Variants in GATAD2A observed in about 807,000 individuals in gnomAD.
GATAD2A encodes GATA zinc finger domain containing 2A, also known as transcriptional repressor p66-alpha.
In GATAD2A, 12 loss-of-function variants were observed where a neutral mutation model predicts 68.5. The ratio of observed to expected loss-of-function variants is 0.18; its 90% CI spans 0.11 to 0.28. The LOEUF is 0.28. Among genes scored for constraint, GATAD2A ranks in the 10% least tolerant of loss-of-function variants. The pLI, the probability that GATAD2A is intolerant of heterozygous loss-of-function variation, is 1.00. For missense variants in GATAD2A, 755 were observed against 868.5 expected, an observed-to-expected ratio of 0.87 and a Z score of 1.64; for synonymous variants, 410 against 375.3, an observed-to-expected ratio of 1.09 and a Z score of -1.07.
chr19:19,401,428 T>C (rs1269797499), upstream of GATAD2A, among the ~76,000 whole-genome samples: 1 of 151,990 alleles, frequency 6.6e-6, no homozygotes, highest in Non-Finnish European at 1.5e-5. Context: ...TTAGCCAGGA[T>C]GGTCTCGATC....
chr19:19,487,042 A>C (rs2059485005), intron 2 of GATAD2A, among the ~76,000 whole-genome samples: 1 of 152,024 alleles, frequency 6.6e-6, no homozygotes, highest in African/African-American at 2.4e-5. Flanking sequence ...TAAAGGAGCT[A>C]CTCCACAGGA....
intron 2 of GATAD2A, among the ~76,000 whole-genome samples, chr19:19,469,612 A>G (rs1237715178): frequency 6.6e-6 from 1 of 152,118 alleles, no homozygotes; most frequent in South Asian, 2.1e-4. Context: ...AAGGATCTAA[A>G]TACCTCAATC....
intron 1 of GATAD2A, among the ~76,000 whole-genome samples, chr19:19,417,070 A>AT (rs1483607758): frequency 6.6e-6 from 1 of 152,104 alleles, no homozygotes; most frequent in African/African-American, 2.4e-5. Flanking sequence ...CCTAAAACTT[A>AT]TTTTTTAAAG....
intron 2 of GATAD2A, among the ~76,000 whole-genome samples, chr19:19,467,256 GT>G (rs1303839863): frequency 6.6e-6 from 1 of 152,106 alleles, no homozygotes; most frequent in African/African-American, 2.4e-5. Flanking sequence ...GGTGCCTGTA[GT>G]CCCAGTGACT....
intron 1 of GATAD2A, among the ~76,000 whole-genome samples, chr19:19,443,618 A>G (rs2055358938): frequency 1.3e-5 from 2 of 152,170 alleles, no homozygotes; most frequent in Admixed American, 1.3e-4. Context: ...CGGCATGTGG[A>G]GGACACGAGG....
intron 1 of GATAD2A, among the ~76,000 whole-genome samples, chr19:19,413,472 C>G (rs755677178): frequency 7.9e-5 from 12 of 152,142 alleles, no homozygotes; most frequent in Non-Finnish European, 1.3e-4. Context: ...AGGGTTCATG[C>G]CCACCCCGTT....
chr19:19,492,777 A>G lies in GATAD2A; in HGVS notation c.534+65A>G, dbSNP rs1291875864. ...CGCCTGGCCTTGCCTTGATCCCCTC[A>G]TCAATGTCAGCGGCCAGAAAGGTGA... On this transcript the variant is annotated intron_variant, in intron 4 of 11. Transcript: ENST00000683918. 59 of 1,551,558 alleles carry G rather than the reference A, an allele frequency of 3.8e-5. No individual in the cohort carries two copies. In the South Asian group the frequency reaches 5.7e-4, roughly 15 times the overall value.
chr19:19,499,378 T>C (rs1010072298), intron 8 of GATAD2A, among the ~76,000 whole-genome samples: 1 of 152,096 alleles, frequency 6.6e-6, no homozygotes, highest in African/African-American at 2.4e-5. Context: ...GCCAGGAGGC[T>C]GAGTCCTCTC....
At chr19:19,391,665 A>C (rs2048853524) in intron 1 of GATAD2A, among the ~76,000 whole-genome samples, 3 of 152,186 alleles carry the variant, frequency 2.0e-5, no homozygotes, top group Admixed American at 2.0e-4. Context: ...TCCTTACAGC[A>C]ATAAAAAACC....
chr19:19,465,426 G>A lies in GATAD2A; in HGVS notation c.81G>A (p.Lys27=), dbSNP rs758909068. 2 of 1,613,776 alleles carry A rather than the reference G, an allele frequency of 1.2e-6. No homozygotes were observed. The highest frequency in any genetic ancestry group is 1.7e-6 in the Non-Finnish European group (2 of 1,179,764). The change falls in exon 2 of 12, where the codon AAG becomes AAA. Residue 27 remains lysine (K), a synonymous_variant. Coordinates refer to ENST00000683918, the MANE Select transcript of GATAD2A (RefSeq NM_001384528.1). ...CAACAGAGGACGATGTGGAGAGCAA[G>A]AAAATAAAAATGGAGAGAGGATTGT... ...RDPTEDDVES[K]KIKMERGLLA...
rs572075041 is a variant in GATAD2A at position 19,428,751 on chromosome 19, C to T, written c.-7+22732C>T. ...ACAGCCTCTGCCATAAGAAAGGATACGGGGAGTGCAGAGTGTGGGCACCAC... is the reference window on the plus strand; with the variant it reads ...ACAGCCTCTGCCATAAGAAAGGATATGGGGAGTGCAGAGTGTGGGCACCAC... On this transcript the variant is annotated intron_variant, in intron 1 of 11. Coordinates refer to ENST00000683918, the MANE Select transcript of GATAD2A (RefSeq NM_001384528.1). Among the ~76,000 whole-genome samples, 163 of 152,234 alleles carry T rather than the reference C, an allele frequency of 1.1e-3. 1 individual carries two copies. Among genetic ancestry groups the T allele is most frequent in the Non-Finnish European group, 2.1e-3 (140 of 68,020 alleles).
chr19:19,409,872 G>T (rs1164177285), intron 1 of GATAD2A, among the ~76,000 whole-genome samples: 1 of 152,114 alleles, frequency 6.6e-6, no homozygotes, highest in African/African-American at 2.4e-5. Flanking sequence ...CCCCCACCTT[G>T]TGCTTTCCAG....
intron 2 of GATAD2A, among the ~76,000 whole-genome samples, chr19:19,477,723 A>G (rs2148198803): frequency 6.6e-6 from 1 of 152,258 alleles, no homozygotes; most frequent in Middle Eastern, 3.4e-3. Flanking sequence ...CTCTGAGCCT[A>G]GGTGGAGCCC....
chr19:19,498,679 G>A lies in GATAD2A; in HGVS notation c.1161G>A (p.Leu387=). Residue 387 remains leucine, a synonymous_variant, in exon 8 of 12, where the codon CTG becomes CTA. Coordinates refer to ENST00000683918, the MANE Select transcript of GATAD2A (RefSeq NM_001384528.1). ...CCGCCAACAACGAGTTCATCTACCT[G>A]GTCGGCCTGGAGGAGGTGGTGCAGA... ...PSAANNEFIY[L]VGLEEVVQNL... The A allele has an allele frequency of 5.0e-6, 8 of 1,613,784 alleles. No individual in the cohort carries two copies. The highest frequency in any genetic ancestry group is 6.8e-6 in the Non-Finnish European group (8 of 1,179,940).
At chr19:19,502,831 C>T (rs1057027921) in intron 11 of GATAD2A, among the ~76,000 whole-genome samples, 1 of 152,260 alleles carries the variant, frequency 6.6e-6, no homozygotes, top group Non-Finnish European at 1.5e-5. Flanking sequence ...GGACTCTTGT[C>T]AGCACACACC....
chr19:19,469,078 A>G (rs577945018), intron 2 of GATAD2A, among the ~76,000 whole-genome samples: 2 of 152,364 alleles, frequency 1.3e-5, no homozygotes, highest in African/African-American at 4.8e-5. Context: ...ATTGTGATTA[A>G]GATGCTTACT....
At chr19:19,467,899 C>T (rs960149377) in intron 2 of GATAD2A, among the ~76,000 whole-genome samples, 3 of 152,228 alleles carry the variant, frequency 2.0e-5, no homozygotes, top group African/African-American at 7.2e-5. Flanking sequence ...CTGCCTCCAT[C>T]TTTTACTCCG....
rs1433050914 is a variant in GATAD2A at position 19,508,723 on chromosome 19, G to A, written c.*3249G>A. On this transcript the variant is annotated 3_prime_UTR_variant, in exon 12 of 12. Transcript: ENST00000683918. Reference sequence around the variant, plus strand: ...GTAATAGACGGTTACACTAGTGCAGGGTATTGGGGAGGCTCTTTGGGTGTG... The same window carrying A: ...GTAATAGACGGTTACACTAGTGCAGAGTATTGGGGAGGCTCTTTGGGTGTG... 1 of 152,144 alleles carries A rather than the reference G, an allele frequency of 6.6e-6. No homozygotes were observed. Among genetic ancestry groups the A allele is most frequent in the Non-Finnish European group, 1.5e-5 (1 of 68,016 alleles). The allele number at this position is 152,144 out of a possible 1,614,324, so 9.4% of individuals were successfully genotyped here.
At chr19:19,466,441 C>T (rs186069173) in intron 2 of GATAD2A, among the ~76,000 whole-genome samples, 1 of 152,348 alleles carries the variant, frequency 6.6e-6, no homozygotes, top group East Asian at 1.9e-4. Flanking sequence ...GCTCTCTCTC[C>T]TCACCGCCCA....
Sources: gnomAD v4.1 joint callset for allele counts (sites outside exome capture counted in the v4.1 genomes callset) on GRCh38, gnomAD v4.1.1 for gene constraint, MANE v1.5 for transcripts, NCBI Gene and HGNC (gene_info 2026-07-23, HGNC 2026-07-21) for gene names.